FAM200B: variants seen among roughly 807,000 people sequenced by gnomAD.
FAM200B encodes zinc finger BED-type containing 11, also known as protein FAM200B.
A neutral mutation model predicts 33.1 loss-of-function variants in FAM200B; 32 were observed. That is an observed-to-expected ratio of 0.97 (90% CI 0.73 to 1.30). The LOEUF (loss-of-function observed/expected upper bound fraction) is 1.30, where lower values mean the gene tolerates loss of function less well. FAM200B is among the 50% of genes most tolerant of loss of function. FAM200B has a pLI of 0.00. For missense variants in FAM200B, 741 were observed against 754.0 expected (o/e 0.98, Z 0.20); for synonymous variants, 240 against 264.8 (o/e 0.91, Z 0.91).
the FAM200B span, among the ~76,000 whole-genome samples, chr4:15,650,342 A>G: frequency 6.6e-6 from 1 of 152,168 alleles, no homozygotes; most frequent in Non-Finnish European, 1.5e-5. Context: ...CGCATCACAA[A>G]CACTTCAAAC....
At chr4:15,685,316 A>G (rs1327697257) in intron 1 of FAM200B, among the ~76,000 whole-genome samples, 1 of 152,206 alleles carries the variant, frequency 6.6e-6, no homozygotes, top group Non-Finnish European at 1.5e-5. Context: ...AGCAGGGTCA[A>G]TGGGGAGAGG....
At chr4:15,665,668 T>C in the FAM200B span, among the ~76,000 whole-genome samples, 1 of 152,028 alleles carries the variant, frequency 6.6e-6, no homozygotes, top group Non-Finnish European at 1.5e-5. Context: ...AAATATGTAA[T>C]AAAAAATAAA....
At chr4:15,641,661 T>C in the FAM200B span, 2 of 448,344 alleles carry the variant, frequency 4.5e-6, no homozygotes, top group Non-Finnish European at 4.4e-6. Flanking sequence ...TCAAAAGTTA[T>C]ACGTGGATTT....
chr4:15,687,455 G>C lies in FAM200B; in HGVS notation c.478G>C (p.Glu160Gln), dbSNP rs1718972432. The change falls in exon 2 of 2, where the codon GAG (glutamate) becomes CAG (glutamine). Residue 160 changes from glutamate (E) to glutamine (Q), a missense_variant. Transcript: ENST00000422728. ...TTTAGTTGCATATCGTGTGGCAAAA[G>C]AGAAAATAGCTAACACAGCTGCTGA... ...SYLVAYRVAK[E>Q]KIANTAAEKI... 5.8e-6 allele frequency: 9 copies of C among 1,550,920 alleles called. No individual in the cohort carries two copies. Among genetic ancestry groups the C allele is most frequent in the Middle Eastern group, 1.7e-4 (1 of 5,984 alleles).
At chr4:15,641,556 A>T in the FAM200B span, 1 of 453,686 alleles carries the variant, frequency 2.2e-6, no homozygotes, top group Non-Finnish European at 4.4e-6. Flanking sequence ...TATATTTTAC[A>T]TATAATACAT....
the FAM200B span, among the ~76,000 whole-genome samples, chr4:15,668,568 A>G: frequency 2.0e-5 from 3 of 152,192 alleles, no homozygotes; most frequent in African/African-American, 7.2e-5. Context: ...CATTCTAAAA[A>G]GAAAAAAGGA....
At chr4:15,685,736 TAATA>T (rs1718772985) in intron 1 of FAM200B, among the ~76,000 whole-genome samples, 1 of 152,176 alleles carries the variant, frequency 6.6e-6, no homozygotes, top group African/African-American at 2.4e-5. Context: ...GTGGAAATTT[TAATA>T]AATAAACACT....
the FAM200B span, among the ~76,000 whole-genome samples, chr4:15,637,319 G>A: frequency 6.6e-6 from 1 of 152,136 alleles, no homozygotes; most frequent in Non-Finnish European, 1.5e-5. Context: ...ACTATTGCAG[G>A]AAGTACTTAT....
At chr4:15,639,277 T>C in the FAM200B span, among the ~76,000 whole-genome samples, 4 of 152,212 alleles carry the variant, frequency 2.6e-5, no homozygotes. Context: ...TTTATAGAAT[T>C]TGTCACTCTT....
At chr4:15,648,110 GCATC>G in the FAM200B span, among the ~76,000 whole-genome samples, 2 of 152,156 alleles carry the variant, frequency 1.3e-5, no homozygotes, top group East Asian at 3.9e-4. Context: ...TCCTGACTCA[GCATC>G]CTGAGTTGCT....
the FAM200B span, among the ~76,000 whole-genome samples, chr4:15,654,914 G>A: frequency 6.6e-6 from 1 of 152,048 alleles, no homozygotes. Context: ...GCCGGCCCGA[G>A]GGCGGCCAGT....
rs2148868732 is a variant in FAM200B, at chr4:15,689,897, CTGAT to C, written c.*949_*952del. ...ATATAATTTGTAATAATTTTGATTA[CTGAT>C]TGTCATTCTGCCACCCTGGAGTATA... On this transcript the variant is annotated 3_prime_UTR_variant, in exon 2 of 2. Coordinates refer to ENST00000422728, the MANE Select transcript of FAM200B (RefSeq NM_001145191.2). The C allele has an allele frequency of 6.0e-6, 1 of 167,136 alleles. No homozygotes were observed. Among genetic ancestry groups the C allele is most frequent in the Admixed American group, 6.5e-5 (1 of 15,296 alleles). 10.4% of individuals were successfully genotyped at this position (167,136 alleles called of 1,614,324 possible).
rs1390896909 is a variant in FAM200B at position 15,687,220 on chromosome 4, T to C, written c.243T>C (p.Asn81=). 1 of 1,540,546 alleles carries C rather than the reference T, an allele frequency of 6.5e-7. No individual in the cohort carries two copies. The highest frequency in any genetic ancestry group is 2.0e-5 in the Admixed American group (1 of 48,892). The change falls in exon 2 of 2, where the codon AAT becomes AAC. Residue 81 remains asparagine (N), a synonymous_variant. Transcript: ENST00000422728. ...TCAAATGTGAAAAACCCTTTGAAAATGACAGACCTCAGTGTGTTATTTGTA... is the reference window on the plus strand; with the variant it reads ...TCAAATGTGAAAAACCCTTTGAAAACGACAGACCTCAGTGTGTTATTTGTA... The part of the protein sequence containing the change: ...GFIKCEKPFE[N]DRPQCVICNN...
the FAM200B span, chr4:15,655,444 A>G: frequency 2.1e-6 from 2 of 965,962 alleles, no homozygotes; most frequent in Non-Finnish European, 2.5e-6. Flanking sequence ...GGGGGCGCGC[A>G]GGCCGCCGCC....
chr4:15,640,370 T>G, the FAM200B span, among the ~76,000 whole-genome samples: 1 of 132,942 alleles, frequency 7.5e-6, no homozygotes, highest in Non-Finnish European at 1.6e-5. Context: ...AAAGCCACCA[T>G]TTAAATACTA....
chr4:15,688,543 C>G lies in FAM200B; in HGVS notation c.1566C>G (p.Phe522Leu). ...LTSLSQTFNH[F>L]FPEEKFETLR... ...CTCTGTCTCAAACTTTTAACCATTTCTTTCCAGAAGAAAAATTTGAAACAT... is the reference window on the plus strand; with the variant it reads ...CTCTGTCTCAAACTTTTAACCATTTGTTTCCAGAAGAAAAATTTGAAACAT... Residue 522 changes from phenylalanine (F) to leucine (L), a missense_variant, in exon 2 of 2, where the codon TTC becomes TTG. By Grantham distance (22) the Phe-to-Leu change is conservative. Coordinates refer to ENST00000422728, the MANE Select transcript of FAM200B (RefSeq NM_001145191.2). 6.5e-7 allele frequency: 1 copy of G among 1,549,062 alleles called. No individual in the cohort carries two copies. Among genetic ancestry groups the G allele is most frequent in the Non-Finnish European group, 8.7e-7 (1 of 1,145,162 alleles).
At position 15,689,434 on chromosome 4, in the gene FAM200B, A is replaced by T. The variant is rs1466779790; in HGVS notation, c.*483A>T. 2 of 167,000 alleles carry T rather than the reference A, an allele frequency of 1.2e-5. No homozygotes were observed. The highest frequency in any genetic ancestry group is 2.9e-5 in the Non-Finnish European group (2 of 68,142). The allele number at this position is 167,000 out of a possible 1,614,324, so 10.3% of individuals were successfully genotyped here. A position where few individuals can be genotyped will look rare whatever the true frequency, so the allele number is the denominator to read the frequency against. On this transcript the variant is annotated 3_prime_UTR_variant, in exon 2 of 2. Transcript: ENST00000422728. ...TGATCTGAGCTAGGTTTTAAAAGAC[A>T]CTCTGGTCACTATTTTAAATTCTTA...
chr4:15,659,731 C>T, the FAM200B span: 25 of 985,056 alleles, frequency 2.5e-5, no homozygotes, highest in East Asian at 6.8e-4. Flanking sequence ...ACCTACCTTG[C>T]GTCATTTACC....
At chr4:15,666,717 A>G in the FAM200B span, among the ~76,000 whole-genome samples, 1 of 152,080 alleles carries the variant, frequency 6.6e-6, no homozygotes, top group African/African-American at 2.4e-5. Context: ...CTGTGATTCC[A>G]TCTACTCGGG....
Sources: gnomAD v4.1 joint callset for allele counts (sites outside exome capture counted in the v4.1 genomes callset) on GRCh38, gnomAD v4.1.1 for gene constraint, MANE v1.5 for transcripts, NCBI Gene and HGNC (gene_info 2026-07-23, HGNC 2026-07-21) for gene names.